Variants in BORA observed in about 807,000 individuals in gnomAD.
BORA encodes protein aurora borealis.
A neutral mutation model predicts 55.8 loss-of-function variants in BORA; 26 were observed. The observed-to-expected ratio is 0.47, with a 90% CI of 0.34 to 0.65. The LOEUF (loss-of-function observed/expected upper bound fraction) is 0.65. Among genes scored for constraint, BORA ranks in the 30% least tolerant of loss-of-function variants. The pLI is 0.01. For missense variants in BORA, 568 were observed against 671.5 expected (o/e 0.85, Z 1.70); for synonymous variants, 201 against 216.9 (o/e 0.93, Z 0.64).
chr13:72,746,516 C>T lies in BORA; in HGVS notation c.887C>T (p.Thr296Ile), dbSNP rs773090958. The change falls in exon 10 of 12, where the codon ACT (threonine) becomes ATT (isoleucine). Residue 296 changes from threonine to isoleucine, a missense_variant. Transcript: ENST00000390667. ...ETPLSEQRKFTVHSPDASSGT... is the reference protein window; with the variant it reads ...ETPLSEQRKFIVHSPDASSGT... The stretch of plus-strand genomic sequence containing the variant: ...CACCTTTCAGAACAAAGGAAGTTTA[C>T]TGTTCATTCTCCTGATGCTTCATCT... 14 of 1,609,462 alleles carry T rather than the reference C, an allele frequency of 8.7e-6. No individual in the cohort carries two copies. The highest frequency in any genetic ancestry group is 1.2e-5 in the Non-Finnish European group (14 of 1,176,916).
At chr13:72,738,157 G>A in intron 5 of BORA, 114 bp downstream of exon 5, 1 of 562,418 alleles carries the variant, frequency 1.8e-6, no homozygotes, top group Non-Finnish European at 2.8e-6. Flanking sequence ...TAAAATTCTG[G>A]ATAACATAGA....
intron 8 of BORA, 35 bp from the exon 9 acceptor site, chr13:72,745,909 C>G (rs374394711): frequency 2.1e-5 from 33 of 1,565,924 alleles, no homozygotes; most frequent in Non-Finnish European, 2.7e-5. Flanking sequence ...GGAAGAGAAC[C>G]ATATACATTT....
At chr13:72,728,088 C>T (rs995314880) in intron 1 of BORA, 81 bp downstream of exon 1, 10 of 1,527,552 alleles carry the variant, frequency 6.5e-6, no homozygotes, top group Non-Finnish European at 8.9e-6. Context: ...GACTTGCCTG[C>T]CCGCTCGCCC....
chr13:72,728,158 C>A, intron 1 of BORA, 151 bp downstream of exon 1: 1 of 1,100,740 alleles, frequency 9.1e-7, no homozygotes, highest in Non-Finnish European at 1.4e-6. Flanking sequence ...GAAAGAGTGG[C>A]CACGTAGGGT....
intron 10 of BORA, chr13:72,752,203 G>A (rs1035640633): frequency 6.6e-6 from 1 of 152,176 alleles, no homozygotes; most frequent in Admixed American, 6.5e-5. Flanking sequence ...CAGGCTGTGG[G>A]ATCTTAAGGC....
At position 72,734,950 on chromosome 13, in the gene BORA, C is replaced by G. The variant is rs1263027612; in HGVS notation, c.261-10C>G. The G allele has an allele frequency of 1.2e-5, 19 of 1,546,986 alleles. No homozygotes were observed. The highest frequency in any genetic ancestry group is 1.7e-5 in the Non-Finnish European group (19 of 1,127,426). On this transcript the variant is annotated splice_polypyrimidine_tract_variant and intron_variant, in intron 3 of 11. Coordinates refer to ENST00000390667, the MANE Select transcript of BORA (RefSeq NM_024808.5). ...TAGCATGGTTATTTTTCTTCTTTAT[C>G]TTTGTATAGAATAGATAAAGATGTG...
intron 4 of BORA, 107 bp downstream of exon 4, chr13:72,735,112 C>T (rs2032892333): frequency 1.2e-6 from 1 of 858,786 alleles, no homozygotes; most frequent in Non-Finnish European, 1.9e-6. Context: ...CCTATCTCCC[C>T]TCCAAGCCCT....
chr13:72,738,136 G>T, intron 5 of BORA, 93 bp downstream of exon 5: 1 of 754,154 alleles, frequency 1.3e-6, no homozygotes, highest in South Asian at 2.1e-5. Context: ...TGCTTTGTAA[G>T]AAGCTTGCTT....
intron 10 of BORA, 45 bp from the exon 11 acceptor site, chr13:72,753,645 T>C: frequency 6.3e-7 from 1 of 1,578,162 alleles, no homozygotes; most frequent in Non-Finnish European, 8.6e-7. Context: ...AATATTTGAC[T>C]TTTAAGTTCC....
intron 5 of BORA, among the ~76,000 whole-genome samples, 187 bp downstream of exon 5, chr13:72,738,230 C>A (rs2032971407): frequency 6.6e-6 from 1 of 151,746 alleles, no homozygotes; most frequent in Non-Finnish European, 1.5e-5. Flanking sequence ...TGTTTTTTAG[C>A]TGTTATACTC....
At position 72,755,277 on chromosome 13, in the gene BORA, A is replaced by T; in HGVS notation, c.*61A>T. ...GTTCCTCGCATATATCGTTGTGCAC[A>T]GGATCAACATGATGGTGACTGGGAA... is the stretch of plus-strand genomic sequence containing the variant. On this transcript the variant is annotated 3_prime_UTR_variant, in exon 12 of 12. Coordinates refer to ENST00000390667, the MANE Select transcript of BORA (RefSeq NM_024808.5). The T allele has an allele frequency of 7.2e-7, 1 of 1,392,144 alleles. No individual in the cohort carries two copies. Among genetic ancestry groups the T allele is most frequent in the East Asian group, 2.3e-5 (1 of 43,626 alleles). 86.2% of individuals were successfully genotyped at this position (1,392,144 alleles called of 1,614,324 possible).
chr13:72,745,922 T>G, intron 8 of BORA, 22 bp from the exon 9 acceptor site: 1 of 1,592,024 alleles, frequency 6.3e-7, no homozygotes, highest in South Asian at 1.1e-5. Context: ...ATACATTTAT[T>G]TACTATTTAA....
chr13:72,736,577 A>G (rs1232867704), intron 4 of BORA, among the ~76,000 whole-genome samples: 1 of 152,170 alleles, frequency 6.6e-6, no homozygotes, highest in Non-Finnish European at 1.5e-5. Flanking sequence ...TCTTAGCAAC[A>G]GCATAGTTAC....
chr13:72,753,687 CAGAT>C lies in BORA; in HGVS notation c.1483-2_1484del. On this transcript the variant is annotated splice_acceptor_variant and coding_sequence_variant, in exon 11 of 12. Transcript: ENST00000390667. LOFTEE classifies it high-confidence loss of function. Reference sequence around the variant, plus strand: ...TATATTTTTTTCTTTTTTCTCCTGTCAGATGGATAGTGGCTATAATACGCAGAAT... The same window carrying C: ...TATATTTTTTTCTTTTTTCTCCTGTCGGATAGTGGCTATAATACGCAGAAT... 6.2e-7 allele frequency: 1 copy of C among 1,601,706 alleles called. No homozygotes were observed. The highest frequency in any genetic ancestry group is 8.5e-7 in the Non-Finnish European group (1 of 1,175,346).
rs61213189 is a variant in BORA at position 72,755,141 on chromosome 13, T to C, written c.1615-10T>C. On this transcript the variant is annotated splice_polypyrimidine_tract_variant and intron_variant, in intron 11 of 11. Coordinates refer to ENST00000390667, the MANE Select transcript of BORA (RefSeq NM_024808.5). ...AAACTGAAAACAAGGTATTGTCTTC[T>C]TTTTCACAGCAAGACCACACAACAC... 1.9e-6 allele frequency: 3 copies of C among 1,613,172 alleles called. No individual in the cohort carries two copies. In the East Asian group the frequency reaches 6.7e-5, roughly 36 times the overall value.
chr13:72,753,120 A>G (rs1398411680), intron 10 of BORA: 4 of 152,146 alleles, frequency 2.6e-5, no homozygotes, highest in African/African-American at 9.7e-5. Context: ...CTTTTTAGAC[A>G]CTCAATAAAT....
rs2033147679 is a variant in BORA, at chr13:72,746,526, T to C, written c.897T>C (p.Ser299=). The part of the protein sequence containing the change: ...LSEQRKFTVH[S]PDASSGTNSN... ...AACAAAGGAAGTTTACTGTTCATTC[T>C]CCTGATGCTTCATCTGGAACAAATT... Residue 299 remains serine (S), a synonymous_variant, in exon 10 of 12, where the codon TCT becomes TCC. Transcript: ENST00000390667. 6.2e-7 allele frequency: 1 copy of C among 1,612,848 alleles called. No individual in the cohort carries two copies. The highest frequency in any genetic ancestry group is 8.5e-7 in the Non-Finnish European group (1 of 1,179,080).
intron 5 of BORA, 90 bp from the exon 6 acceptor site, chr13:72,743,447 C>T (rs9600019): frequency 0.33 from 275,867 of 827,036 alleles, 50,116 homozygotes; most frequent in East Asian, 0.57. Flanking sequence ...AATAAGTTTC[C>T]ACTTTCTTAA....
chr13:72,729,284 ATTT>A (rs11358027), intron 2 of BORA, among the ~76,000 whole-genome samples, 191 bp downstream of exon 2: 1 of 149,920 alleles, frequency 6.7e-6, no homozygotes. Flanking sequence ...TAGCTAGAAG[ATTT>A]TTTTTTTTTT....
Sources: allele counts gnomAD v4.1 joint callset (sites outside exome capture counted in the v4.1 genomes callset), GRCh38; gene constraint gnomAD v4.1.1; transcripts MANE v1.5; gene names NCBI Gene and HGNC (gene_info 2026-07-23, HGNC 2026-07-21).